KPNA3: variants seen among roughly 807,000 people sequenced by gnomAD.
The protein encoded by KPNA3 is karyopherin subunit alpha 3, also known as importin subunit alpha-4.
A neutral mutation model predicts 73.8 loss-of-function variants in KPNA3; 13 were observed. The observed-to-expected ratio is 0.18, with a 90% confidence interval of 0.11 to 0.28. The LOEUF is 0.28. KPNA3 is among the 10% of genes least tolerant of loss of function. The pLI is 1.00. For synonymous variants in KPNA3, 186 were observed against 206.9 expected (o/e 0.90, Z 0.87); for missense variants, 360 against 618.1 (o/e 0.58, Z 4.43).
Position 49,722,573 on chromosome 13 carries a change from A to G in KPNA3, c.470-10T>C. On this transcript the variant is annotated splice_polypyrimidine_tract_variant and intron_variant, in intron 7 of 16. Coordinates refer to ENST00000261667, the MANE Select transcript of KPNA3 (RefSeq NM_002267.4). ...AAAAGAGGTACTGCATCTGTAATAA[A>G]GAAAAACTAATATTTATACTAGCAA... 6.5e-7 allele frequency: 1 copy of G among 1,542,694 alleles called. No individual in the cohort carries two copies. The highest frequency in any genetic ancestry group is 2.3e-5 in the East Asian group (1 of 44,332).
intron 2 of KPNA3, among the ~76,000 whole-genome samples, chr13:49,744,639 A>AT (rs1478385331): frequency 6.6e-6 from 1 of 152,088 alleles, no homozygotes; most frequent in African/African-American, 2.4e-5. Flanking sequence ...CACCCAACTA[A>AT]TTTTTGTATT....
At chr13:49,766,864 G>A (rs976181337) in intron 1 of KPNA3, among the ~76,000 whole-genome samples, 22 of 151,230 alleles carry the variant, frequency 1.5e-4, no homozygotes, top group African/African-American at 4.1e-4. Context: ...ATTCCACTGC[G>A]TTAATATTAC....
At chr13:49,762,109 G>A (rs1954769402) in intron 1 of KPNA3, among the ~76,000 whole-genome samples, 1 of 115,962 alleles carries the variant, frequency 8.6e-6, no homozygotes, top group Non-Finnish European at 1.6e-5. Flanking sequence ...GAGGGAGGTG[G>A]GGGGCAGCCC....
chr13:49,768,266 G>A lies in KPNA3; in HGVS notation c.70-21273C>T, dbSNP rs112137355. Among the ~76,000 whole-genome samples the A allele has an allele frequency of 3.7e-3, 489 of 133,422 alleles. 3 individuals carry two copies. Among genetic ancestry groups the A allele is most frequent in the Non-Finnish European group, 5.6e-3 (363 of 64,348 alleles). The allele number at this position is 133,422 out of a possible 152,430, so 87.5% of individuals were successfully genotyped here. On this transcript the variant is annotated intron_variant, in intron 1 of 16. Transcript: ENST00000261667. ...TGCACTCCAGCCTGGGCAACAGTGC[G>A]AGACTCTGTCTCAAAAAAAAAAAAA...
At chr13:49,710,863 C>T (rs1395817682) in intron 11 of KPNA3, 28 bp downstream of exon 11, 2 of 1,603,558 alleles carry the variant, frequency 1.2e-6, no homozygotes, top group Non-Finnish European at 1.7e-6. Context: ...CAACTGTATA[C>T]AAATAAGAAA....
intron 1 of KPNA3, among the ~76,000 whole-genome samples, chr13:49,753,612 G>A (rs1415126073): frequency 6.6e-6 from 1 of 152,216 alleles, no homozygotes; most frequent in African/African-American, 2.4e-5. Context: ...GTGAACTGGT[G>A]CCAGTCCATA....
At chr13:49,775,621 G>A (rs148056259) in intron 1 of KPNA3, among the ~76,000 whole-genome samples, 27 of 151,596 alleles carry the variant, frequency 1.8e-4, no homozygotes, top group African/African-American at 6.0e-4. Context: ...AGAAGCCCTC[G>A]CAAATCTCTA....
chr13:49,732,507 A>G (rs370471805), intron 5 of KPNA3, 41 bp from the exon 6 acceptor site: 21 of 1,478,920 alleles, frequency 1.4e-5, no homozygotes, highest in Non-Finnish European at 2.0e-5. Context: ...TATAATTTTC[A>G]AACTGTGAAA....
At chr13:49,730,125 A>G (rs1194321195) in intron 6 of KPNA3, among the ~76,000 whole-genome samples, 1 of 152,248 alleles carries the variant, frequency 6.6e-6, no homozygotes, top group African/African-American at 2.4e-5. Flanking sequence ...TATATATTTT[A>G]GCATATTTTT....
intron 1 of KPNA3, among the ~76,000 whole-genome samples, chr13:49,751,829 G>A (rs1333809412): frequency 1.3e-5 from 2 of 152,120 alleles, no homozygotes; most frequent in Admixed American, 1.3e-4. Context: ...GATGGCTTCA[G>A]CCCAGGAGGT....
intron 10 of KPNA3, among the ~76,000 whole-genome samples, chr13:49,711,937 A>G (rs1021461851): frequency 2.0e-5 from 3 of 152,348 alleles, no homozygotes; most frequent in African/African-American, 7.2e-5. Flanking sequence ...AATTTCCATT[A>G]TCTGTAAGAG....
chr13:49,769,788 T>A (rs2137592346), intron 1 of KPNA3, among the ~76,000 whole-genome samples: 1 of 152,308 alleles, frequency 6.6e-6, no homozygotes, highest in Middle Eastern at 3.4e-3. Context: ...AAGAATAAAA[T>A]TGCTAGGTGA....
At chr13:49,725,668 G>C (rs1317753797) in intron 6 of KPNA3, among the ~76,000 whole-genome samples, 167 bp from the exon 7 acceptor site, 2 of 149,080 alleles carry the variant, frequency 1.3e-5, no homozygotes, top group Admixed American at 1.3e-4. Flanking sequence ...TTTTGAGATG[G>C]AGTCTCCCTC....
intron 15 of KPNA3, among the ~76,000 whole-genome samples, chr13:49,704,933 A>G (rs1158658383): frequency 1.3e-5 from 2 of 152,236 alleles, no homozygotes; most frequent in African/African-American, 2.4e-5. Flanking sequence ...ACACACAAAA[A>G]AAGTGTTTCA....
chr13:49,732,939 T>G lies in KPNA3; in HGVS notation c.204+18A>C, dbSNP rs201419526. The G allele has an allele frequency of 3.3e-6, 5 of 1,537,326 alleles. No individual in the cohort carries two copies. In the Admixed American group the frequency reaches 5.3e-5, roughly 16 times the overall value. On this transcript the variant is annotated intron_variant, in intron 3 of 16. Coordinates refer to ENST00000261667, the MANE Select transcript of KPNA3 (RefSeq NM_002267.4). ...ATAAAAATTATTTTAAAATCACTAT[T>G]AAAACATGGTAACTTACTGCTTTAA... is the stretch of plus-strand genomic sequence containing the variant.
chr13:49,733,582 C>T (rs1954491993), intron 2 of KPNA3, among the ~76,000 whole-genome samples: 1 of 152,198 alleles, frequency 6.6e-6, no homozygotes, highest in African/African-American at 2.4e-5. Flanking sequence ...AGCCACTGCG[C>T]CTTGCCTATT....
At chr13:49,758,123 A>G (rs1346429747) in intron 1 of KPNA3, among the ~76,000 whole-genome samples, 1 of 152,142 alleles carries the variant, frequency 6.6e-6, no homozygotes, top group Admixed American at 6.5e-5. Flanking sequence ...GAAAGAGAGG[A>G]CTAAAGAAAA....
At chr13:49,771,924 G>C (rs760596513) in intron 1 of KPNA3, among the ~76,000 whole-genome samples, 11 of 152,078 alleles carry the variant, frequency 7.2e-5, no homozygotes, top group Non-Finnish European at 1.6e-4. Context: ...CTAAATTTTG[G>C]GAAGTATAGG....
intron 2 of KPNA3, among the ~76,000 whole-genome samples, chr13:49,746,435 A>G (rs1954618061): frequency 6.6e-6 from 1 of 152,206 alleles, no homozygotes; most frequent in Admixed American, 6.5e-5. Flanking sequence ...CCAAGATCAC[A>G]CCACTTCACT....
Sources: gnomAD v4.1 joint callset for allele counts (sites outside exome capture counted in the v4.1 genomes callset) on GRCh38, gnomAD v4.1.1 for gene constraint, MANE v1.5 for transcripts, NCBI Gene and HGNC (gene_info 2026-07-23, HGNC 2026-07-21) for gene names.